CENPF: variants seen among roughly 807,000 people sequenced by gnomAD.
CENPF encodes the protein AH antigen.
In CENPF, 214 loss-of-function variants were observed where a neutral mutation model predicts 307.3. The ratio of observed to expected loss-of-function variants is 0.70; its 90% CI spans 0.62 to 0.78. CENPF has a LOEUF of 0.78. Ranked by LOEUF, CENPF falls within the 30% of genes least tolerant of loss-of-function variation. The pLI, the probability that CENPF is intolerant of heterozygous loss-of-function variation, is 0.00. For synonymous variants in CENPF, 1,259 were observed against 1,270.6 expected (o/e 0.99, Z 0.19); for missense variants, 3,401 against 3,483.9 (o/e 0.98, Z 0.60).
At chr1:214,656,367 G>A (rs1211419385) in intron 17 of CENPF, among the ~76,000 whole-genome samples, 1 of 152,076 alleles carries the variant, frequency 6.6e-6, no homozygotes, top group Non-Finnish European at 1.5e-5. Context: ...TTTTTCTAAT[G>A]GATTTAATAC....
intron 14 of CENPF, among the ~76,000 whole-genome samples, chr1:214,649,529 C>T (rs1049350296): frequency 6.6e-6 from 1 of 152,130 alleles, no homozygotes; most frequent in African/African-American, 2.4e-5. Flanking sequence ...GTCATGATTG[C>T]GACCCTGAAT....
chr1:214,616,873 CTTTCTTTCTTTCTTTCTT>C (rs1657361713), intron 3 of CENPF, among the ~76,000 whole-genome samples: 1 of 94,238 alleles, frequency 1.1e-5, no homozygotes, highest in Non-Finnish European at 2.2e-5. Flanking sequence ...TTCTTTCTTT[CTTTCTTTCTTTCTTTCTT>C]TCTTTCTTTC....
intron 1 of CENPF, among the ~76,000 whole-genome samples, chr1:214,604,856 C>A (rs1358481609): frequency 2.0e-5 from 3 of 151,848 alleles, no homozygotes; most frequent in South Asian, 2.1e-4. Flanking sequence ...GAAAAAAAAA[C>A]AAAACTGGTA....
In CENPF at chr1:214,646,753, G is replaced by T; in HGVS notation, c.7183G>T (p.Glu2395Ter). The change falls in exon 13 of 20, where the codon GAA becomes TAA. Residue 2395 changes from glutamate (E) to a stop codon, truncating the protein, a stop_gained. Transcript: ENST00000366955. LOFTEE classifies it high-confidence loss of function. ...LDVVTIRSEKENLTNELQKEQ... is the reference protein window; with the variant it reads ...LDVVTIRSEK ...TGTTGTTACTATAAGGTCAGAAAAA[G>T]AAAATCTGACAAATGAATTACAAAA... 1 of 1,613,438 alleles carries T rather than the reference G, an allele frequency of 6.2e-7. No homozygotes were observed. Among genetic ancestry groups the T allele is most frequent in the South Asian group, 1.1e-5 (1 of 91,008 alleles).
In CENPF at chr1:214,646,858, GT is replaced by G. The variant is rs1365858960; in HGVS notation, c.7289del (p.Val2430AspfsTer3). ...TTTGCAAGAAAAAGAGCAAGAGAAAGTACAGATGAAAGAAAAATCAAGCACT... is the reference window on the plus strand; with the variant it reads ...TTTGCAAGAAAAAGAGCAAGAGAAAGACAGATGAAAGAAAAATCAAGCACT... ...NILQEKEQEK[V>X]QMKEKSSTAM... On this transcript the variant is annotated frameshift_variant, in exon 13 of 20. Transcript: ENST00000366955. LOFTEE classifies it high-confidence loss of function. 2.5e-6 allele frequency: 4 copies of G among 1,613,294 alleles called. No homozygotes were observed. Among genetic ancestry groups the G allele is most frequent in the Non-Finnish European group, 3.4e-6 (4 of 1,179,724 alleles).
intron 6 of CENPF, among the ~76,000 whole-genome samples, chr1:214,621,514 G>A (rs1328254073): frequency 6.6e-6 from 1 of 152,162 alleles, no homozygotes; most frequent in African/African-American, 2.4e-5. Context: ...GTGTTCACTG[G>A]TGAGAGCTGT....
intron 7 of CENPF, among the ~76,000 whole-genome samples, chr1:214,622,552 T>C (rs1447095522): frequency 6.6e-6 from 1 of 152,194 alleles, no homozygotes; most frequent in Non-Finnish European, 1.5e-5. Flanking sequence ...AGAAAATGTA[T>C]ATATAGCATC....
At chr1:214,653,467 CT>C (rs5780800) in intron 16 of CENPF, 123,410 of 146,898 alleles carry the variant, frequency 0.84, 55,368 homozygotes, top group Non-Finnish European at 0.99. Flanking sequence ...GATCATAGAA[CT>C]TTTTTTTTTT....
intron 9 of CENPF, 76 bp downstream of exon 9, chr1:214,630,738 T>G (rs1301090244): frequency 6.5e-7 from 1 of 1,528,106 alleles, no homozygotes; most frequent in African/African-American, 1.4e-5. Flanking sequence ...CTACCATAAC[T>G]GACATATGAT....
Position 214,663,642 on chromosome 1 carries a change from C to G in CENPF, c.9193C>G (p.Pro3065Ala), listed in dbSNP as rs373341650. 3 of 1,613,978 alleles carry G rather than the reference C, an allele frequency of 1.9e-6. No homozygotes were observed. In the African/African-American group the frequency reaches 4.0e-5, roughly 22 times the overall value. Residue 3065 changes from proline (P) to alanine (A), a missense_variant, in exon 20 of 20, where the codon CCC becomes GCC. Physicochemically the swap from Pro to Ala is conservative, Grantham distance 27. Transcript: ENST00000366955. The stretch of plus-strand genomic sequence containing the variant: ...AGATTCAGGCACCATCCTCCGAGAA[C>G]CCACCACGAAATCCGTCCCAGTCAA... The part of the protein sequence containing the change: ...PVDSGTILRE[P>A]TTKSVPVNNL...
At chr1:214,648,640 CA>C in intron 13 of CENPF, 34 bp from the exon 14 acceptor site, 1 of 1,608,264 alleles carries the variant, frequency 6.2e-7, no homozygotes, top group Non-Finnish European at 8.5e-7. Flanking sequence ...AACAGACCAC[CA>C]AAAAGCAGAT....
rs764406203 is a variant in CENPF, at chr1:214,644,543, T to C, written c.4987-14T>C. The C allele has an allele frequency of 3.9e-6, 6 of 1,551,972 alleles. No individual in the cohort carries two copies. The highest frequency in any genetic ancestry group is 5.2e-6 in the Non-Finnish European group (6 of 1,151,996). On this transcript the variant is annotated splice_polypyrimidine_tract_variant and intron_variant, in intron 12 of 19. Coordinates refer to ENST00000366955, the MANE Select transcript of CENPF (RefSeq NM_016343.4). ...AAAAATAAAATGCATGCTTGTTATG[T>C]ATTATAATTACAGGCTATTCAAGGC...
chr1:214,651,227 C>G (rs1459186878), intron 14 of CENPF, among the ~76,000 whole-genome samples: 1 of 152,080 alleles, frequency 6.6e-6, no homozygotes, highest in Non-Finnish European at 1.5e-5. Flanking sequence ...CAGTTCTTCA[C>G]AGTGAAGGGA....
At chr1:214,648,318 A>G (rs73081586) in intron 13 of CENPF, among the ~76,000 whole-genome samples, 2,433 of 152,186 alleles carry the variant, frequency 0.016, 58 homozygotes, top group African/African-American at 0.056. Flanking sequence ...GCACTGGGGG[A>G]TTAGTAGAGA....
Position 214,644,778 on chromosome 1 carries a change from A to G in CENPF, c.5208A>G (p.Glu1736=). The change falls in exon 13 of 20, where the codon GAA becomes GAG. Residue 1736 remains glutamate, a synonymous_variant. Transcript: ENST00000366955. ...ATACCAATTATGAGCCTCCAGGGGA[A>G]GATAAAACCCAGGGCTCTTCAGAAT... is the stretch of plus-strand genomic sequence containing the variant. ...SPDTNYEPPG[E]DKTQGSSECI... is the part of the protein sequence containing the mutation. 2.5e-6 allele frequency: 4 copies of G among 1,613,928 alleles called. No homozygotes were observed. The South Asian group carries it at 4.4e-5, about 18-fold the overall frequency.
Position 214,659,144 on chromosome 1 carries a change from T to C in CENPF, c.9141+116T>C. 1 of 1,065,754 alleles carries C rather than the reference T, an allele frequency of 9.4e-7. No homozygotes were observed. Among genetic ancestry groups the C allele is most frequent in the East Asian group, 2.5e-5 (1 of 39,892 alleles). 66.0% of individuals were successfully genotyped at this position (1,065,754 alleles called of 1,614,324 possible). On this transcript the variant is annotated intron_variant, in intron 19 of 19. Coordinates refer to ENST00000366955, the MANE Select transcript of CENPF (RefSeq NM_016343.4). The surrounding 1 kb of genome is among the most constrained non-coding windows in gnomAD (Gnocchi z 4.4). The stretch of plus-strand genomic sequence containing the variant: ...GGAGCGCTTTCAAAAAGTCTGACCT[T>C]CTTGGTGTGGTGTAAGTCAGTCAGT...
At chr1:214,625,727 A>G (rs190993598) in intron 7 of CENPF, among the ~76,000 whole-genome samples, 6 of 151,668 alleles carry the variant, frequency 4.0e-5, no homozygotes, top group Non-Finnish European at 7.4e-5. Context: ...TTTTCAGTGA[A>G]TCTCTTTGTA....
At position 214,640,588 on chromosome 1, in the gene CENPF, C is replaced by G; in HGVS notation, c.2250C>G (p.Asp750Glu). 1.2e-6 allele frequency: 2 copies of G among 1,614,022 alleles called. No homozygotes were observed. Among genetic ancestry groups the G allele is most frequent in the Non-Finnish European group, 1.7e-6 (2 of 1,179,942 alleles). ...QLLSNEIMDK[D>E]RCYQDLHAEY... is the part of the protein sequence containing the mutation. ...TGTCAAATGAAATAATGGACAAAGA[C>G]CGGTGTTACCAAGACTTGCATGCCG... The change falls in exon 12 of 20, where the codon GAC becomes GAG. Residue 750 changes from aspartate to glutamate, a missense_variant. Coordinates refer to ENST00000366955, the MANE Select transcript of CENPF (RefSeq NM_016343.4).
chr1:214,620,099 A>G (rs949959310), intron 5 of CENPF, among the ~76,000 whole-genome samples: 1 of 152,202 alleles, frequency 6.6e-6, no homozygotes, highest in Non-Finnish European at 1.5e-5. Flanking sequence ...ATGTCTTGAT[A>G]TTTGTCAGAA....
Sources: gnomAD v4.1 joint callset for allele counts (sites outside exome capture counted in the v4.1 genomes callset) on GRCh38, gnomAD v4.1.1 for gene constraint, Gnocchi (gnomAD v3.1) non-coding constraint, MANE v1.5 for transcripts, NCBI Gene and HGNC (gene_info 2026-07-23, HGNC 2026-07-21) for gene names.